Variants in DNMT3A observed in about 807,000 individuals in gnomAD.
DNMT3A encodes DNA methyltransferase 3 alpha.
DNMT3A carries 267 observed loss-of-function variants against 117.6 expected under a neutral mutation model. The observed-to-expected ratio is 2.27, with a 90% CI of 2.05 to 2.51. The LOEUF is 2.51. Among genes scored for constraint, DNMT3A ranks in the 30% most tolerant of loss-of-function variants. DNMT3A has a pLI of 0.00. For missense variants in DNMT3A, 1,029 were observed against 1,260.2 expected (o/e 0.82, Z 2.78); for synonymous variants, 432 against 474.8 (o/e 0.91, Z 1.17).
At position 25,244,574 on chromosome 2, in the gene DNMT3A, C is replaced by A; in HGVS notation, c.1633G>T (p.Glu545Ter). The change falls in exon 14 of 23, where the codon GAG (glutamate) becomes TAG (stop). Residue 545 changes from glutamate to a stop codon, truncating the protein, a stop_gained. Transcript: ENST00000321117. LOFTEE classifies it high-confidence loss of function. ...TTGTTGTTTCCGCACATGAGCACCT[C>A]ACGGCCCCCACAGCAGATGGTGCAG... The part of the protein sequence containing the change: ...SYCTICCGGR[E>*]VLMCGNNNCC... 1 of 1,614,194 alleles carries A rather than the reference C, an allele frequency of 6.2e-7. No individual in the cohort carries two copies. The highest frequency in any genetic ancestry group is 8.5e-7 in the Non-Finnish European group (1 of 1,180,024).
In DNMT3A at chr2:25,306,774, C is replaced by A. The variant is rs1391606297; in HGVS notation, c.73-6531G>T. 6.6e-6 allele frequency among the ~76,000 whole-genome samples: 1 copy of A among 152,240 alleles called. No individual in the cohort carries two copies. Among genetic ancestry groups the A allele is most frequent in the Non-Finnish European group, 1.5e-5 (1 of 68,042 alleles). ...TGCACTAAAAAAATCTATTGAGCAC[C>A]TACTGTGTACTGGATACAAAGATAA... On this transcript the variant is annotated intron_variant, in intron 2 of 22. Transcript: ENST00000321117. The surrounding 1 kb of genome is among the most constrained non-coding windows in gnomAD (Gnocchi z 4.1).
chr2:25,290,320 A>ATTTTTTTTTTTTT (rs1249490029), intron 3 of DNMT3A, among the ~76,000 whole-genome samples: 10 of 126,540 alleles, frequency 7.9e-5, no homozygotes, highest in Non-Finnish European at 8.4e-5. Flanking sequence ...TATGGAAGTG[A>ATTTTTTTTTTTTT]TTTTTTTTTT....
At chr2:25,321,640 C>G (rs1044143278) in intron 1 of DNMT3A, among the ~76,000 whole-genome samples, 8 of 152,242 alleles carry the variant, frequency 5.3e-5, no homozygotes, top group African/African-American at 1.9e-4. Context: ...ATGGCTCATG[C>G]CTGTAATCCC....
intron 6 of DNMT3A, among the ~76,000 whole-genome samples, chr2:25,258,451 G>C (rs1426485619): frequency 2.0e-5 from 3 of 152,304 alleles, no homozygotes; most frequent in Admixed American, 2.0e-4. Context: ...CTAAACACCG[G>C]ATCAGGTCAG....
chr2:25,306,829 C>G lies in DNMT3A; in HGVS notation c.73-6586G>C, dbSNP rs1194398968. ...ATAGGAAACTCGGTTCAGAGGGAGA[C>G]AACAACATGTAAACAAGTACCTGAT... On this transcript the variant is annotated intron_variant, in intron 2 of 22. Coordinates refer to ENST00000321117, the MANE Select transcript of DNMT3A (RefSeq NM_022552.5). The surrounding 1 kb of genome is among the most constrained non-coding windows in gnomAD (Gnocchi z 4.1). Among the ~76,000 whole-genome samples, 1 of 152,220 alleles carries G rather than the reference C, an allele frequency of 6.6e-6. No individual in the cohort carries two copies. Among genetic ancestry groups the G allele is most frequent in the Non-Finnish European group, 1.5e-5 (1 of 68,036 alleles).
intron 5 of DNMT3A, 67 bp from the exon 6 acceptor site, chr2:25,275,154 G>C: frequency 6.7e-7 from 1 of 1,484,268 alleles, no homozygotes; most frequent in Non-Finnish European, 9.0e-7. Context: ...GGAGGCACTC[G>C]CCTCAAACAC....
At chr2:25,317,225 C>CTTTT (rs34464455) in intron 1 of DNMT3A, among the ~76,000 whole-genome samples, 3 of 128,780 alleles carry the variant, frequency 2.3e-5, no homozygotes, top group East Asian at 2.2e-4. Flanking sequence ...CCACACCTGG[C>CTTTT]TTTTTTTTTT....
intron 1 of DNMT3A, among the ~76,000 whole-genome samples, chr2:25,323,138 G>A (rs1238966965): frequency 6.6e-6 from 1 of 152,050 alleles, no homozygotes; most frequent in African/African-American, 2.4e-5. Context: ...CCAATCAGAG[G>A]CCTCCCTGGA....
rs553635326 is a variant in DNMT3A, at chr2:25,250,991, TCTTCCCCCACAA to T, written c.640-2751_640-2740del. The stretch of plus-strand genomic sequence containing the variant: ...TTCACAGCGAGTTCCTGAACATTCT[TCTTCCCCCACAA>T]CTTCCCCCAGCTTGTCAGATGCCGC... On this transcript the variant is annotated intron_variant, in intron 6 of 22. Coordinates refer to ENST00000321117, the MANE Select transcript of DNMT3A (RefSeq NM_022552.5). Among the ~76,000 whole-genome samples the T allele has an allele frequency of 6.5e-3, 983 of 152,266 alleles. 5 individuals carry two copies. Among genetic ancestry groups the T allele is most frequent in the Non-Finnish European group, 7.5e-3 (512 of 68,008 alleles).
In DNMT3A at chr2:25,240,398, CCG is replaced by C; in HGVS notation, c.2224_2225del (p.Arg742AlafsTer6). ...AGGGGCGATCATCTCCCTCCTTGGG[CCG>C]CGCATCATGCAGGAGGCGGTAGAAC... is the stretch of plus-strand genomic sequence containing the variant. Reference protein sequence around the residue: ...FEFYRLLHDARPKEGDDRPFF... With the variant: ...FEFYRLLHDAXPKEGDDRPFF... On this transcript the variant is annotated frameshift_variant, in exon 19 of 23. Transcript: ENST00000321117. LOFTEE classifies it high-confidence loss of function. 1 of 1,613,836 alleles carries C rather than the reference CCG, an allele frequency of 6.2e-7. No individual in the cohort carries two copies. Among genetic ancestry groups the C allele is most frequent in the Non-Finnish European group, 8.5e-7 (1 of 1,179,850 alleles).
rs1014759932 is a variant in DNMT3A, at chr2:25,337,215, T to G, written c.-178+4611A>C. ...GTTCAACTCAACAGATTGCTAAGTG[T>G]CGCTGAGAAGCCTCCCACCTCCCAG... On this transcript the variant is annotated intron_variant, in intron 1 of 22. Transcript: ENST00000321117. The surrounding 1 kb of genome is among the most constrained non-coding windows in gnomAD (Gnocchi z 5.0). Among the ~76,000 whole-genome samples the G allele has an allele frequency of 6.6e-6, 1 of 152,122 alleles. No homozygotes were observed. Among genetic ancestry groups the G allele is most frequent in the African/African-American group, 2.4e-5 (1 of 41,420 alleles).
In DNMT3A at chr2:25,245,204, C is replaced by T. The variant is rs1245635270; in HGVS notation, c.1554+49G>A. 3.4e-5 allele frequency: 54 copies of T among 1,582,688 alleles called. 1 individual carries two copies. The Admixed American group carries it at 9.2e-4, about 27-fold the overall frequency. On this transcript the variant is annotated intron_variant, in intron 13 of 22. Coordinates refer to ENST00000321117, the MANE Select transcript of DNMT3A (RefSeq NM_022552.5). ...GCGGTGGACACAGTCAGCCAGAAGG[C>T]CGAAGGGCCGGCCTCAACGGCACCT...
chr2:25,284,645 T>TAAAAAAAAAAAAAAAAA (rs56901099), intron 3 of DNMT3A, among the ~76,000 whole-genome samples: 4 of 16,646 alleles, frequency 2.4e-4, no homozygotes, highest in Admixed American at 8.0e-4. Flanking sequence ...AGACTCCATC[T>TAAAAAAAAAAAAAAAAA]AAAAAAAAAA....
Position 25,327,607 on chromosome 2 carries a change from T to G in DNMT3A, c.-177-13446A>C, listed in dbSNP as rs1473240640. ...GAGTCTTGATCCCACTTCTGCACGG[T>G]GGGTGCTCCTCAAAGGTCATGTTCT... On this transcript the variant is annotated intron_variant, in intron 1 of 22. Transcript: ENST00000321117. This position sits in a 1 kb window ranked among gnomAD's most constrained non-coding sequence, Gnocchi z 4.1. 6.6e-6 allele frequency among the ~76,000 whole-genome samples: 1 copy of G among 152,182 alleles called. No individual in the cohort carries two copies. The highest frequency in any genetic ancestry group is 1.5e-5 in the Non-Finnish European group (1 of 68,030).
intron 4 of DNMT3A, among the ~76,000 whole-genome samples, chr2:25,278,031 ACACAC>A (rs1558700837): frequency 6.0e-5 from 5 of 83,598 alleles, no homozygotes; most frequent in South Asian, 1.0e-3. Flanking sequence ...ACACACACAC[ACACAC>A]ACAGACACAC....
At chr2:25,269,654 G>T (rs1179202995) in intron 6 of DNMT3A, among the ~76,000 whole-genome samples, 4 of 152,106 alleles carry the variant, frequency 2.6e-5, no homozygotes, top group Non-Finnish European at 4.4e-5. Context: ...GCCATTGGAG[G>T]TTCTATGGCA....
intron 6 of DNMT3A, among the ~76,000 whole-genome samples, chr2:25,267,987 G>C (rs2030514554): frequency 6.6e-6 from 1 of 152,098 alleles, no homozygotes; most frequent in Admixed American, 6.5e-5. Context: ...CCAGTAAGTG[G>C]GACCTTTCTT....
intron 2 of DNMT3A, among the ~76,000 whole-genome samples, chr2:25,308,567 C>G (rs1190699884): frequency 6.6e-6 from 1 of 152,150 alleles, no homozygotes; most frequent in Non-Finnish European, 1.5e-5. Flanking sequence ...CTCCTAACTC[C>G]CCCGAGATCA....
intron 1 of DNMT3A, among the ~76,000 whole-genome samples, chr2:25,317,321 C>T (rs575056760): frequency 6.6e-6 from 1 of 151,328 alleles, no homozygotes; most frequent in Non-Finnish European, 1.5e-5. Context: ...CTCAGCCTCC[C>T]AAAGTGTTGG....
Sources: gnomAD v4.1 joint callset for allele counts (sites outside exome capture counted in the v4.1 genomes callset) on GRCh38, gnomAD v4.1.1 for gene constraint, Gnocchi (gnomAD v3.1) non-coding constraint, MANE v1.5 for transcripts, NCBI Gene and HGNC (gene_info 2026-07-23, HGNC 2026-07-21) for gene names.